ULK4: variants seen among roughly 807,000 people sequenced by gnomAD.
ULK4 encodes the protein inactive serine/threonine-protein kinase ULK4.
ULK4 carries 133 observed loss-of-function variants against 160.6 expected under a neutral mutation model. The observed-to-expected ratio is 0.83, with a 90% CI of 0.72 to 0.96. ULK4 has a LOEUF of 0.96. Ranked by LOEUF, ULK4 falls within the 40% of genes least tolerant of loss-of-function variation. ULK4 has a pLI of 0.00. For missense variants in ULK4, 1,580 were observed against 1,499.5 expected, an observed-to-expected ratio of 1.05 and a Z score of -0.89; for synonymous variants, 534 against 539.8, an observed-to-expected ratio of 0.99 and a Z score of 0.15.
intron 31 of ULK4, among the ~76,000 whole-genome samples, chr3:41,613,926 G>A (rs1234126000): frequency 6.6e-6 from 1 of 152,176 alleles, no homozygotes; most frequent in Admixed American, 6.5e-5. Flanking sequence ...TGATCTGGAG[G>A]GTAGATGTCA....
At chr3:41,802,755 C>T in intron 19 of ULK4, among the ~76,000 whole-genome samples, 1 of 152,096 alleles carries the variant, frequency 6.6e-6, no homozygotes, top group South Asian at 2.1e-4. Context: ...CTATATACAT[C>T]ATAAAAATAA....
chr3:41,853,790 G>A (rs1389142985), intron 17 of ULK4, among the ~76,000 whole-genome samples: 1 of 152,190 alleles, frequency 6.6e-6, no homozygotes, highest in East Asian at 1.9e-4. Context: ...CAGAGGCTGT[G>A]TAGTGAGTGC....
chr3:41,636,670 T>C (rs2033962566), intron 30 of ULK4, among the ~76,000 whole-genome samples: 1 of 152,112 alleles, frequency 6.6e-6, no homozygotes, highest in Non-Finnish European at 1.5e-5. Context: ...GTTAGTTACA[T>C]ATGTATACAT....
At chr3:41,416,064 G>C (rs1229741809) in intron 34 of ULK4, among the ~76,000 whole-genome samples, 1 of 152,164 alleles carries the variant, frequency 6.6e-6, no homozygotes, top group Non-Finnish European at 1.5e-5. Context: ...ACACTGAGAA[G>C]TCACACATTT....
At chr3:41,468,397 T>A (rs1441941405) in intron 32 of ULK4, among the ~76,000 whole-genome samples, 1 of 152,240 alleles carries the variant, frequency 6.6e-6, no homozygotes, top group Middle Eastern at 3.4e-3. Flanking sequence ...GCTAATATAA[T>A]ACAGTAGGAA....
chr3:41,924,493 G>T (rs1045190296), intron 5 of ULK4, among the ~76,000 whole-genome samples: 2 of 152,164 alleles, frequency 1.3e-5, no homozygotes, highest in African/African-American at 4.8e-5. Context: ...AAGCATCACT[G>T]CTAGAATGTC....
At chr3:41,767,616 T>C (rs951885608) in intron 21 of ULK4, among the ~76,000 whole-genome samples, 1 of 152,070 alleles carries the variant, frequency 6.6e-6, no homozygotes, top group Non-Finnish European at 1.5e-5. Flanking sequence ...ATAATATTCA[T>C]AATTGAGCCA....
At chr3:41,515,628 C>T (rs753461179) in intron 32 of ULK4, among the ~76,000 whole-genome samples, 2 of 152,150 alleles carry the variant, frequency 1.3e-5, no homozygotes, top group Non-Finnish European at 2.9e-5. Context: ...CACATGGTGG[C>T]AGGAGAGAGA....
At chr3:41,859,636 T>C (rs530907621) in intron 17 of ULK4, 2 of 463,354 alleles carry the variant, frequency 4.3e-6, no homozygotes, top group Non-Finnish European at 4.2e-6. Flanking sequence ...ACCGCTTCAT[T>C]TCCCAAATTC....
chr3:41,402,104 G>T (rs966563320), intron 34 of ULK4, among the ~76,000 whole-genome samples: 4 of 152,024 alleles, frequency 2.6e-5, no homozygotes, highest in Non-Finnish European at 5.9e-5. Context: ...TTAATTGTTA[G>T]TATACAGAAA....
chr3:41,848,705 A>G (rs1309434889), intron 17 of ULK4, among the ~76,000 whole-genome samples: 6 of 152,166 alleles, frequency 3.9e-5, no homozygotes, highest in East Asian at 1.9e-4. Context: ...GGACTCCAAG[A>G]GAGTCCAGGT....
chr3:41,521,319 C>T (rs772709440), intron 32 of ULK4, among the ~76,000 whole-genome samples: 4 of 152,034 alleles, frequency 2.6e-5, no homozygotes, highest in African/African-American at 4.8e-5. Context: ...TCTCCCAGGT[C>T]TCATCTTCAT....
chr3:41,468,536 T>G (rs1290955654), intron 32 of ULK4, among the ~76,000 whole-genome samples: 1 of 152,182 alleles, frequency 6.6e-6, no homozygotes, highest in Non-Finnish European at 1.5e-5. Context: ...TTCCGCACGT[T>G]CCACAGAAAG....
chr3:41,250,174 G>A (rs1222284367), intron 35 of ULK4, among the ~76,000 whole-genome samples: 1 of 152,112 alleles, frequency 6.6e-6, no homozygotes, highest in East Asian at 1.9e-4. Context: ...AATAGGCTCA[G>A]GTGGGGATTT....
At chr3:41,501,430 G>A (rs1181597956) in intron 32 of ULK4, among the ~76,000 whole-genome samples, 2 of 152,096 alleles carry the variant, frequency 1.3e-5, no homozygotes, top group African/African-American at 2.4e-5. Context: ...CCCAGGAGGC[G>A]GCGCTTGCAG....
At chr3:41,306,714 G>T (rs1304407222) in intron 35 of ULK4, among the ~76,000 whole-genome samples, 3 of 152,078 alleles carry the variant, frequency 2.0e-5, no homozygotes, top group African/African-American at 7.2e-5. Flanking sequence ...AAGGGGGAAA[G>T]GTGGGGAAAA....
chr3:41,919,908 A>T, intron 5 of ULK4, 90 bp from the exon 6 acceptor site: 1 of 691,820 alleles, frequency 1.4e-6, no homozygotes, highest in Non-Finnish European at 2.4e-6. Flanking sequence ...GAGATGAAAA[A>T]GGGCAGGAGA....
chr3:41,494,558 T>G (rs958758876), intron 32 of ULK4, among the ~76,000 whole-genome samples: 1 of 151,698 alleles, frequency 6.6e-6, no homozygotes, highest in Non-Finnish European at 1.5e-5. Context: ...CTATTCAACA[T>G]AGTGTTGGAA....
chr3:41,788,991 A>C (rs2040073839), intron 21 of ULK4, among the ~76,000 whole-genome samples: 1 of 152,206 alleles, frequency 6.6e-6, no homozygotes, highest in African/African-American at 2.4e-5. Flanking sequence ...ATTCTGATTC[A>C]GAAGGTCTGC....
Sources: gnomAD v4.1 joint callset for allele counts (sites outside exome capture counted in the v4.1 genomes callset) on GRCh38, gnomAD v4.1.1 for gene constraint, MANE v1.5 for transcripts, NCBI Gene and HGNC (gene_info 2026-07-23, HGNC 2026-07-21) for gene names.